PSMA1: variants seen among roughly 807,000 people sequenced by gnomAD.
PSMA1 encodes the protein proteasome subunit alpha type-1.
Under a neutral mutation model 38.4 loss-of-function variants are expected in PSMA1, and 3 were observed. The ratio of observed to expected loss-of-function variants is 0.08; its 90% CI spans 0.04 to 0.20. PSMA1 has a LOEUF of 0.20. Ranked by LOEUF, PSMA1 falls within the 10% of genes least tolerant of loss-of-function variation. PSMA1 has a pLI of 1.00. For synonymous variants in PSMA1, 101 were observed against 107.1 expected (o/e 0.94, Z 0.35); for missense variants, 227 against 325.3 (o/e 0.70, Z 2.32).
chr11:14,577,968 CA>C (rs1272319309), intron 2 of PSMA1, among the ~76,000 whole-genome samples: 3 of 151,326 alleles, frequency 2.0e-5, no homozygotes, highest in African/African-American at 7.3e-5. Flanking sequence ...TTGAGAACCA[CA>C]AATTAGATCA....
intron 9 of PSMA1, 114 bp from the exon 10 acceptor site, chr11:14,505,362 C>T: frequency 3.4e-6 from 3 of 889,708 alleles, no homozygotes. Context: ...AAGAGATATT[C>T]TGAATACTCA....
chr11:14,519,324 A>G (rs535147915), intron 1 of PSMA1: 30 of 467,396 alleles, frequency 6.4e-5, no homozygotes, highest in South Asian at 4.9e-4. Flanking sequence ...AAAGTTCACA[A>G]TCAACTTTCT....
At chr11:14,542,165 A>G (rs1165613806) in intron 2 of PSMA1, among the ~76,000 whole-genome samples, 1 of 152,258 alleles carries the variant, frequency 6.6e-6, no homozygotes, top group African/African-American at 2.4e-5. Context: ...TAAATATTAC[A>G]GAATAAAAAT....
intron 2 of PSMA1, among the ~76,000 whole-genome samples, chr11:14,525,625 C>G (rs921785840): frequency 8.5e-5 from 13 of 152,300 alleles, no homozygotes; most frequent in African/African-American, 2.9e-4. Flanking sequence ...ATTGTTTTGC[C>G]TATCCACCCT....
chr11:14,518,848 G>T, intron 2 of PSMA1, 149 bp downstream of exon 2: 1 of 638,328 alleles, frequency 1.6e-6, no homozygotes, highest in Non-Finnish European at 2.7e-6. Context: ...GGTCCATCAG[G>T]AAACCTATTT....
intron 1 of PSMA1, among the ~76,000 whole-genome samples, chr11:14,634,392 G>A (rs1241570790): frequency 6.6e-6 from 1 of 152,114 alleles, no homozygotes; most frequent in Non-Finnish European, 1.5e-5. Context: ...CACACTTTTC[G>A]AGGGTACCTA....
At chr11:14,508,010 A>AT (rs1200907889) in intron 8 of PSMA1, among the ~76,000 whole-genome samples, 1 of 152,154 alleles carries the variant, frequency 6.6e-6, no homozygotes, top group South Asian at 2.1e-4. Flanking sequence ...ATCTAGAAAC[A>AT]TTTTTTTAAA....
chr11:14,593,592 A>ATT (rs1852447643), intron 2 of PSMA1, among the ~76,000 whole-genome samples: 2 of 147,302 alleles, frequency 1.4e-5, no homozygotes, highest in Non-Finnish European at 3.0e-5. Context: ...ACTGTCAAAG[A>ATT]AAGTAATAGA....
intron 2 of PSMA1, among the ~76,000 whole-genome samples, chr11:14,578,567 C>T (rs1010458951): frequency 1.3e-5 from 2 of 152,138 alleles, no homozygotes; most frequent in Admixed American, 1.3e-4. Flanking sequence ...ATGGCTTCTA[C>T]TATAAGAAGA....
intron 2 of PSMA1, among the ~76,000 whole-genome samples, chr11:14,542,925 G>C (rs1267113216): frequency 6.6e-6 from 1 of 151,978 alleles, no homozygotes; most frequent in Admixed American, 6.6e-5. Context: ...GCAAGATCTC[G>C]GCTCACTGTA....
chr11:14,551,451 T>C (rs373796523), intron 2 of PSMA1, among the ~76,000 whole-genome samples: 2 of 152,160 alleles, frequency 1.3e-5, no homozygotes, highest in African/African-American at 4.8e-5. Flanking sequence ...TGGTGAGCTG[T>C]TGAGGCATAG....
In PSMA1 at chr11:14,514,477, T is replaced by C; in HGVS notation, c.269A>G (p.Gln90Arg). The C allele has an allele frequency of 6.4e-7, 1 of 1,566,778 alleles. No homozygotes were observed. Among genetic ancestry groups the C allele is most frequent in the South Asian group, 1.2e-5 (1 of 82,636 alleles). The change falls in exon 5 of 10, where the codon CAG becomes CGG. Residue 90 changes from glutamine (Q) to arginine (R), a missense_variant. Gln to Arg is a conservative substitution (Grantham distance 43, BLOSUM62 1). Coordinates refer to ENST00000396394, the MANE Select transcript of PSMA1 (RefSeq NM_002786.4). ...DARLLCNFMR[Q>R]ECLDSRFVFD... ...TACAAATCTGGAATCCAAACACTCC[T>C]GACGCATAAAATTACTAAAAAAGAA...
chr11:14,556,367 T>C (rs1851941140), intron 2 of PSMA1, among the ~76,000 whole-genome samples: 1 of 152,256 alleles, frequency 6.6e-6, no homozygotes, highest in Non-Finnish European at 1.5e-5. Flanking sequence ...CATGTTGCTG[T>C]TGATATGTTT....
intron 2 of PSMA1, among the ~76,000 whole-genome samples, chr11:14,595,605 G>A (rs1236003541): frequency 6.6e-6 from 1 of 151,914 alleles, no homozygotes; most frequent in African/African-American, 2.4e-5. Flanking sequence ...TTTTTTTCTT[G>A]TAAATTTGTT....
At chr11:14,511,247 T>C (rs1851337619) in intron 7 of PSMA1, among the ~76,000 whole-genome samples, 1 of 152,238 alleles carries the variant, frequency 6.6e-6, no homozygotes, top group Non-Finnish European at 1.5e-5. Flanking sequence ...TTTTGTAGAA[T>C]GTGTTCTGTA....
chr11:14,639,947 C>T (rs1853176964), intron 1 of PSMA1, among the ~76,000 whole-genome samples: 1 of 152,178 alleles, frequency 6.6e-6, no homozygotes, highest in Admixed American at 6.5e-5. Context: ...ATCACAGCTC[C>T]TGTTACAACG....
intron 2 of PSMA1, among the ~76,000 whole-genome samples, chr11:14,600,132 G>A (rs1354608552): frequency 6.6e-6 from 1 of 152,126 alleles, no homozygotes; most frequent in Non-Finnish European, 1.5e-5. Context: ...TCCCAGAGAG[G>A]CAGCCACCTA....
chr11:14,524,378 G>C (rs910318988), upstream of PSMA1, among the ~76,000 whole-genome samples: 2 of 152,208 alleles, frequency 1.3e-5, no homozygotes, highest in South Asian at 4.1e-4. Flanking sequence ...CTTAACTGAC[G>C]AAGTTCCACC....
intron 2 of PSMA1, among the ~76,000 whole-genome samples, chr11:14,599,276 T>C (rs923076437): frequency 6.6e-6 from 1 of 152,230 alleles, no homozygotes; most frequent in African/African-American, 2.4e-5. Context: ...TGAATTTGAA[T>C]GTTGGCCTGC....
Sources: allele counts gnomAD v4.1 joint callset (sites outside exome capture counted in the v4.1 genomes callset), GRCh38; gene constraint gnomAD v4.1.1; transcripts MANE v1.5; gene names NCBI Gene and HGNC (gene_info 2026-07-23, HGNC 2026-07-21).